APBB2: variants seen among roughly 807,000 people sequenced by gnomAD.
APBB2 encodes the protein Fe65-like 1.
Under a neutral mutation model 82.5 loss-of-function variants are expected in APBB2, and 38 were observed. The ratio of observed to expected loss-of-function variants is 0.46; its 90% CI spans 0.36 to 0.60. The LOEUF (loss-of-function observed/expected upper bound fraction) is 0.60. APBB2 is among the 20% of genes least tolerant of loss of function. The probability of loss-of-function intolerance (pLI) is 0.00; values close to 1 mark genes in which losing one functional copy is unlikely to be tolerated. For synonymous variants in APBB2, 341 were observed against 368.2 expected (o/e 0.93, Z 0.85); for missense variants, 772 against 972.3 (o/e 0.79, Z 2.74).
At chr4:40,833,100 C>T (rs1752612613) in intron 12 of APBB2, among the ~76,000 whole-genome samples, 1 of 152,230 alleles carries the variant, frequency 6.6e-6, no homozygotes, top group Admixed American at 6.5e-5. Flanking sequence ...GGAGATCACA[C>T]TCAAGGGATG....
intron 1 of APBB2, among the ~76,000 whole-genome samples, chr4:41,179,018 CCTT>C (rs1159856562): frequency 6.6e-6 from 1 of 152,222 alleles, no homozygotes; most frequent in Non-Finnish European, 1.5e-5. Context: ...GGCAAACTCT[CCTT>C]CTTCCTTGAG....
intron 6 of APBB2, among the ~76,000 whole-genome samples, chr4:40,996,016 G>T (rs116244441): frequency 7.2e-5 from 11 of 152,182 alleles, no homozygotes; most frequent in Non-Finnish European, 1.3e-4. Flanking sequence ...TAGCTAGATT[G>T]TTGGCCACAG....
intron 15 of APBB2, among the ~76,000 whole-genome samples, chr4:40,825,332 G>C (rs1312587013): frequency 6.6e-6 from 1 of 152,184 alleles, no homozygotes; most frequent in Non-Finnish European, 1.5e-5. Flanking sequence ...AGCCCCCTTG[G>C]CAGTATATGT....
chr4:40,966,591 G>T (rs193187864), intron 6 of APBB2, among the ~76,000 whole-genome samples: 1 of 152,218 alleles, frequency 6.6e-6, no homozygotes, highest in African/African-American at 2.4e-5. Context: ...CCTGCTGCCT[G>T]GCCTCTCCCC....
At chr4:41,177,373 G>A (rs1447038192) in intron 1 of APBB2, among the ~76,000 whole-genome samples, 2 of 152,138 alleles carry the variant, frequency 1.3e-5, no homozygotes, top group African/African-American at 2.4e-5. Flanking sequence ...AGCCCTGAAA[G>A]CAGTATCAAG....
At chr4:40,946,254 A>ACAAAAAAAAAAAAC (rs1553875176) in intron 6 of APBB2, among the ~76,000 whole-genome samples, 1 of 114,560 alleles carries the variant, frequency 8.7e-6, no homozygotes, top group Non-Finnish European at 1.8e-5. Flanking sequence ...AAAAAAAAAA[A>ACAAAAAAAAAAAAC]CATTCCCAAG....
At chr4:41,128,170 T>C (rs1479611660) in intron 2 of APBB2, among the ~76,000 whole-genome samples, 2 of 152,174 alleles carry the variant, frequency 1.3e-5, no homozygotes, top group African/African-American at 2.4e-5. Context: ...GAAAAAATGT[T>C]CAACATCACT....
chr4:40,961,502 G>C (rs1279647618), intron 6 of APBB2, among the ~76,000 whole-genome samples: 1 of 95,434 alleles, frequency 1.0e-5, no homozygotes, highest in African/African-American at 4.0e-5. Flanking sequence ...TGTGGGGTGG[G>C]GGGAGGGGGG....
At chr4:41,185,153 GA>G (rs1288004788) in intron 1 of APBB2, among the ~76,000 whole-genome samples, 1 of 152,202 alleles carries the variant, frequency 6.6e-6, no homozygotes, top group Non-Finnish European at 1.5e-5. Flanking sequence ...AGAGCAGAAA[GA>G]AGAAAGGGCA....
At chr4:40,846,845 C>T (rs991988827) in intron 12 of APBB2, among the ~76,000 whole-genome samples, 1 of 152,052 alleles carries the variant, frequency 6.6e-6, no homozygotes, top group African/African-American at 2.4e-5. Flanking sequence ...TATTTAAAAG[C>T]AACCAGGAAA....
At chr4:40,932,426 C>G (rs923230203) in intron 10 of APBB2, among the ~76,000 whole-genome samples, 1 of 152,198 alleles carries the variant, frequency 6.6e-6, no homozygotes, top group African/African-American at 2.4e-5. Context: ...AGAAGCAGCA[C>G]AGATTTCACT....
intron 12 of APBB2, among the ~76,000 whole-genome samples, chr4:40,831,880 TACTG>T (rs1413169323): frequency 2.6e-5 from 4 of 152,200 alleles, no homozygotes; most frequent in East Asian, 3.8e-4. Context: ...ATAAAAAGGA[TACTG>T]ACTGTGACAT....
chr4:40,896,200 G>T (rs1773622250), intron 10 of APBB2, among the ~76,000 whole-genome samples: 1 of 152,152 alleles, frequency 6.6e-6, no homozygotes, highest in Non-Finnish European at 1.5e-5. Flanking sequence ...AAGTAGCTGG[G>T]ATTACAGGTG....
chr4:40,909,433 A>C (rs1247765901), intron 10 of APBB2, among the ~76,000 whole-genome samples: 1 of 152,190 alleles, frequency 6.6e-6, no homozygotes, highest in Non-Finnish European at 1.5e-5. Context: ...GAGGAACCTG[A>C]CAATCAGCAT....
intron 6 of APBB2, among the ~76,000 whole-genome samples, chr4:40,995,692 A>G (rs963892495): frequency 1.3e-5 from 2 of 151,800 alleles, no homozygotes; most frequent in African/African-American, 2.4e-5. Context: ...ATGTGCCACT[A>G]TGTCTGGCTA....
chr4:41,014,353 C>A lies in APBB2; in HGVS notation c.65G>T (p.Gly22Val). ...GTTCCGATTTGTGACGTCTGTAGTT[C>A]CGCTGCTGGCCATAAACACTGCCAA... ...DTLAVFMASSGTTDVTNRNSP... is the reference protein window; with the variant it reads ...DTLAVFMASSVTTDVTNRNSP... Residue 22 changes from glycine (G) to valine (V), a missense_variant, in exon 6 of 18, where the codon GGA (glycine) becomes GTA (valine). Gly to Val is a moderately radical substitution (Grantham distance 109, BLOSUM62 -3). Coordinates refer to ENST00000508593, the MANE Select transcript of APBB2 (RefSeq NM_004307.2). 1 of 1,614,076 alleles carries A rather than the reference C, an allele frequency of 6.2e-7. No individual in the cohort carries two copies. Among genetic ancestry groups the A allele is most frequent in the Non-Finnish European group, 8.5e-7 (1 of 1,180,012 alleles).
intron 12 of APBB2, among the ~76,000 whole-genome samples, chr4:40,870,324 T>C (rs1237967629): frequency 6.6e-6 from 1 of 152,032 alleles, no homozygotes; most frequent in Non-Finnish European, 1.5e-5. Flanking sequence ...CTCTTCTGAG[T>C]GCTCACCAGG....
rs1577720376 is a variant in APBB2, at chr4:40,827,071, C to T, written c.1732+61G>A. On this transcript the variant is annotated intron_variant, in intron 14 of 17. Transcript: ENST00000508593. ...AAATACCAGAGAACCATCTGAGAGC[C>T]TTCAGTCCTGGACCAGGAGGGACAG... is the stretch of plus-strand genomic sequence containing the variant. 7 of 1,471,452 alleles carry T rather than the reference C, an allele frequency of 4.8e-6. No homozygotes were observed. In the East Asian group the frequency reaches 1.6e-4, roughly 33 times the overall value. The allele number at this position is 1,471,452 out of a possible 1,614,324, so 91.1% of individuals were successfully genotyped here. A position where few individuals can be genotyped will look rare whatever the true frequency, so the allele number is the denominator to read the frequency against.
At chr4:41,066,838 T>C (rs1732045513) in intron 3 of APBB2, among the ~76,000 whole-genome samples, 1 of 152,034 alleles carries the variant, frequency 6.6e-6, no homozygotes, top group African/African-American at 2.4e-5. Flanking sequence ...CACTGATGGG[T>C]CAGATCTGGG....
Sources: gnomAD v4.1 joint callset for allele counts (sites outside exome capture counted in the v4.1 genomes callset) on GRCh38, gnomAD v4.1.1 for gene constraint, MANE v1.5 for transcripts, NCBI Gene and HGNC (gene_info 2026-07-23, HGNC 2026-07-21) for gene names.